The following UFL1 variants were observed in gnomAD, a reference collection of about 807,000 sequenced individuals.
The protein encoded by UFL1 is E3 UFM1-protein ligase 1.
In UFL1, 78 loss-of-function variants were observed where a neutral mutation model predicts 99.3. The observed-to-expected ratio is 0.79, with a 90% CI of 0.65 to 0.95. The LOEUF is 0.95. Ranked by LOEUF, UFL1 falls within the 40% of genes least tolerant of loss-of-function variation. The pLI is 0.00. For synonymous variants in UFL1, 335 were observed against 322.2 expected (o/e 1.04, Z -0.42); for missense variants, 936 against 937.0 (o/e 1.00, Z 0.01).
chr6:96,554,697 T>G lies in UFL1; in HGVS notation c.*1194T>G, dbSNP rs1770130777. ...TTGAATACGAAAAGATCAGTCTACC[T>G]CTACTCCATTCTAGACAAAGTATTA... On this transcript the variant is annotated 3_prime_UTR_variant, in exon 19 of 19. Coordinates refer to ENST00000369278, the MANE Select transcript of UFL1 (RefSeq NM_015323.5). 6.6e-6 allele frequency: 1 copy of G among 152,356 alleles called. No individual in the cohort carries two copies. The highest frequency in any genetic ancestry group is 2.4e-5 in the African/African-American group (1 of 41,444). The allele number at this position is 152,356 out of a possible 1,614,324, so 9.4% of individuals were successfully genotyped here. A position where few individuals can be genotyped will look rare whatever the true frequency, so the allele number is the denominator to read the frequency against.
rs575138596 is a variant in UFL1, at chr6:96,554,854, G to GA, written c.*1357dup. 4 of 152,456 alleles carry GA rather than the reference G, an allele frequency of 2.6e-5. No individual in the cohort carries two copies. Among genetic ancestry groups the GA allele is most frequent in the South Asian group, 2.1e-4 (1 of 4,834 alleles). The allele number at this position is 152,456 out of a possible 1,614,324, so 9.4% of individuals were successfully genotyped here. ...TTATATATTTTCATATGGGCAAAGG[G>GA]AAAAAATGATAAATCCTCTGTAATC... On this transcript the variant is annotated 3_prime_UTR_variant, in exon 19 of 19. Coordinates refer to ENST00000369278, the MANE Select transcript of UFL1 (RefSeq NM_015323.5).
At position 96,540,718 on chromosome 6, in the gene UFL1, A is replaced by T. The variant is rs1322482560; in HGVS notation, c.1279+63A>T. 1.9e-6 allele frequency: 3 copies of T among 1,545,310 alleles called. No individual in the cohort carries two copies. In the African/African-American group the frequency reaches 4.2e-5, roughly 22 times the overall value. Reference sequence around the variant, plus strand: ...ATTTGTTGCAGTGAACTTTGCATTTATCACATTTATTATGCCCTTTGAAAG... The same window carrying T: ...ATTTGTTGCAGTGAACTTTGCATTTTTCACATTTATTATGCCCTTTGAAAG... On this transcript the variant is annotated intron_variant, in intron 11 of 18. Transcript: ENST00000369278.
rs1562254309 is a variant in UFL1, at chr6:96,539,387, A to C, written c.1158+577A>C. ...CATCTCCTTATAAAGCCTGCTCTCA[A>C]ATAGGTAAAATAGGCCCATTTATTT... On this transcript the variant is annotated intron_variant, in intron 10 of 18. Coordinates refer to ENST00000369278, the MANE Select transcript of UFL1 (RefSeq NM_015323.5). Among the ~76,000 whole-genome samples the C allele has an allele frequency of 4.0e-5, 6 of 151,604 alleles. No individual in the cohort carries two copies. In the South Asian group the frequency reaches 8.3e-4, roughly 21 times the overall value.
At chr6:96,540,403 A>C in intron 10 of UFL1, 132 bp from the exon 11 acceptor site, 1 of 1,171,462 alleles carries the variant, frequency 8.5e-7, no homozygotes, top group Non-Finnish European at 1.2e-6. Context: ...TTAGAGTGAC[A>C]GCTCTGAAAC....
At position 96,523,150 on chromosome 6, in the gene UFL1, T is replaced by C; in HGVS notation, c.82T>C (p.Ser28Pro). Reference sequence around the variant, plus strand: ...AACTTTTTTTCTTTCCCTCAGGTTGTCCGAGCGGAACTGCATTGAGATTGT... The same window carrying C: ...AACTTTTTTTCTTTCCCTCAGGTTGCCCGAGCGGAACTGCATTGAGATTGT... Reference protein sequence around the residue: ...AQFAEATQRLSERNCIEIVNK... With the variant: ...AQFAEATQRLPERNCIEIVNK... The change falls in exon 2 of 19, where the codon TCC (serine) becomes CCC (proline). Residue 28 changes from serine to proline, a missense_variant. Ser to Pro is a moderately conservative substitution (Grantham distance 74). Transcript: ENST00000369278. 6.2e-7 allele frequency: 1 copy of C among 1,601,808 alleles called. No homozygotes were observed.
chr6:96,525,334 T>C lies in UFL1; in HGVS notation c.290T>C (p.Ile97Thr). The change falls in exon 4 of 19, where the codon ATT becomes ACT. Residue 97 changes from isoleucine (I) to threonine (T), a missense_variant. By Grantham distance (89) the Ile-to-Thr change is moderately conservative. Coordinates refer to ENST00000369278, the MANE Select transcript of UFL1 (RefSeq NM_015323.5). ...GACCTGATTCATATTGAAAATAGAA[T>C]TGGTGACATTATTAAATCAGAAAAG... ...NVDLIHIENR[I>T]GDIIKSEKHV... 6.2e-7 allele frequency: 1 copy of C among 1,610,190 alleles called. No individual in the cohort carries two copies. Among genetic ancestry groups the C allele is most frequent in the Admixed American group, 1.7e-5 (1 of 59,316 alleles).
intron 12 of UFL1, among the ~76,000 whole-genome samples, chr6:96,545,469 T>G (rs966379566): frequency 1.3e-4 from 20 of 150,986 alleles, no homozygotes; most frequent in Non-Finnish European, 2.4e-4. Flanking sequence ...TCTGAGATTT[T>G]TTTTTAATCT....
rs748303900 is a variant in UFL1, at chr6:96,521,849, C to T, written c.-25C>T. 6 of 1,605,868 alleles carry T rather than the reference C, an allele frequency of 3.7e-6. No homozygotes were observed. The East Asian group carries it at 9.0e-5, about 24-fold the overall frequency. The stretch of plus-strand genomic sequence containing the variant: ...TCGGCTGACGTGTCTGCAGTTCCTC[C>T]GCGTCTACTGCGAGTCAGGCCGTGA... On this transcript the variant is annotated 5_prime_UTR_variant, in exon 1 of 19. Coordinates refer to ENST00000369278, the MANE Select transcript of UFL1 (RefSeq NM_015323.5).
At chr6:96,537,271 C>T in intron 8 of UFL1, 103 bp from the exon 9 acceptor site, 1 of 939,554 alleles carries the variant, frequency 1.1e-6, no homozygotes, top group Non-Finnish European at 1.5e-6. Context: ...AGAAGGTAGA[C>T]ATCTCTAATA....
chr6:96,544,932 A>G (rs1222431902), intron 12 of UFL1, among the ~76,000 whole-genome samples: 1 of 151,144 alleles, frequency 6.6e-6, no homozygotes, highest in Non-Finnish European at 1.5e-5. Flanking sequence ...TGCTTTTGAA[A>G]AAAAATTTAT....
At chr6:96,523,079 G>GT in intron 1 of UFL1, 67 bp from the exon 2 acceptor site, 1 of 1,463,710 alleles carries the variant, frequency 6.8e-7, no homozygotes, top group South Asian at 1.5e-5. Flanking sequence ...TTCATACATT[G>GT]TATTAATTTT....
At chr6:96,546,782 A>G (rs747624597) in intron 12 of UFL1, among the ~76,000 whole-genome samples, 2 of 151,688 alleles carry the variant, frequency 1.3e-5, no homozygotes, top group South Asian at 2.1e-4. Flanking sequence ...ACCCTATTCA[A>G]TAAATGGTTC....
rs570312739 is a variant in UFL1 at position 96,536,448 on chromosome 6, A to G, written c.802+58A>G. ...ATTTTTAACACTAAACTCATTCTTTAAAAGTATTATACTAACCCTAGAGTC... is the reference window on the plus strand; with the variant it reads ...ATTTTTAACACTAAACTCATTCTTTGAAAGTATTATACTAACCCTAGAGTC... On this transcript the variant is annotated intron_variant, in intron 8 of 18. Coordinates refer to ENST00000369278, the MANE Select transcript of UFL1 (RefSeq NM_015323.5). 64 of 1,421,266 alleles carry G rather than the reference A, an allele frequency of 4.5e-5. No individual in the cohort carries two copies. The African/African-American group carries it at 8.7e-4, about 19-fold the overall frequency. 88.0% of individuals were successfully genotyped at this position (1,421,266 alleles called of 1,614,324 possible). A position where few individuals can be genotyped will look rare whatever the true frequency, so the allele number is the denominator to read the frequency against.
At position 96,553,475 on chromosome 6, in the gene UFL1, C is replaced by T; in HGVS notation, c.2357C>T (p.Ser786Phe). 4.3e-6 allele frequency: 7 copies of T among 1,613,506 alleles called. No homozygotes were observed. The highest frequency in any genetic ancestry group is 5.9e-6 in the Non-Finnish European group (7 of 1,179,690). Residue 786 changes from serine (S) to phenylalanine (F), a missense_variant, in exon 19 of 19, where the codon TCT becomes TTT. Transcript: ENST00000369278. ...TCCATTAAAGACCTTGTTCTCAAAT[C>T]TAGGAAATCATCTGTGACGGAAGAG... Reference protein sequence around the residue: ...SSSIKDLVLKSRKSSVTEE With the variant: ...SSSIKDLVLKFRKSSVTEE
chr6:96,525,421 G>C (rs1466929700), intron 4 of UFL1, 27 bp downstream of exon 4: 1 of 1,514,574 alleles, frequency 6.6e-7, no homozygotes, highest in Non-Finnish European at 9.0e-7. Flanking sequence ...ACAAATTTAA[G>C]AGCACTTTGT....
Position 96,537,364 on chromosome 6 carries a change from A to G in UFL1, c.803-10A>G, listed in dbSNP as rs367597471. ...GACAATTCTAATCCAACTTTGTGAT[A>G]TATTTGTAGAATTTGATGCTTTGTC... On this transcript the variant is annotated splice_polypyrimidine_tract_variant and intron_variant, in intron 8 of 18. Coordinates refer to ENST00000369278, the MANE Select transcript of UFL1 (RefSeq NM_015323.5). The G allele has an allele frequency of 2.0e-6, 3 of 1,536,226 alleles. No homozygotes were observed. Among genetic ancestry groups the G allele is most frequent in the South Asian group, 1.3e-5 (1 of 79,560 alleles).
intron 13 of UFL1, among the ~76,000 whole-genome samples, chr6:96,549,160 G>C (rs1169200865): frequency 6.6e-6 from 1 of 151,184 alleles, no homozygotes; most frequent in Admixed American, 6.6e-5. Context: ...GAATTATGGG[G>C]GTTTTGTTAT....
intron 16 of UFL1, 136 bp from the exon 17 acceptor site, chr6:96,551,702 A>C: frequency 1.3e-6 from 1 of 741,964 alleles, no homozygotes. Flanking sequence ...CTATATCACA[A>C]TTTCTAACTT....
At position 96,523,137 on chromosome 6, in the gene UFL1, T is replaced by A. The variant is rs1302929278; in HGVS notation, c.78-9T>A. ...GGACTTTTGAAACAACTTTTTTTCTTTCCCTCAGGTTGTCCGAGCGGAACT... is the reference window on the plus strand; with the variant it reads ...GGACTTTTGAAACAACTTTTTTTCTATCCCTCAGGTTGTCCGAGCGGAACT... On this transcript the variant is annotated splice_polypyrimidine_tract_variant and intron_variant, in intron 1 of 18. Transcript: ENST00000369278. 6.3e-7 allele frequency: 1 copy of A among 1,586,066 alleles called. No individual in the cohort carries two copies. Among genetic ancestry groups the A allele is most frequent in the South Asian group, 1.2e-5 (1 of 85,396 alleles).
Sources: allele counts gnomAD v4.1 joint callset (sites outside exome capture counted in the v4.1 genomes callset), GRCh38; gene constraint gnomAD v4.1.1; transcripts MANE v1.5; gene names NCBI Gene and HGNC (gene_info 2026-07-23, HGNC 2026-07-21).